SLIT3: variants seen among roughly 807,000 people sequenced by gnomAD.
SLIT3 encodes the protein slit guidance ligand 3.
SLIT3 carries 68 observed loss-of-function variants against 184.0 expected under a neutral mutation model. The observed-to-expected ratio is 0.37, with a 90% CI of 0.30 to 0.45. The LOEUF (loss-of-function observed/expected upper bound fraction) is 0.45, where lower values mean the gene tolerates loss of function less well. Ranked by LOEUF, SLIT3 falls within the 20% of genes least tolerant of loss-of-function variation. The pLI is 1.00. For synonymous variants in SLIT3, 831 were observed against 828.6 expected (o/e 1.00, Z -0.05); for missense variants, 1,707 against 2,026.0 (o/e 0.84, Z 3.02).
intron 7 of SLIT3, among the ~76,000 whole-genome samples, chr5:168,820,222 G>C (rs1757478701): frequency 6.6e-6 from 1 of 152,142 alleles, no homozygotes; most frequent in African/African-American, 2.4e-5. Context: ...ACAAGGGAGG[G>C]TGGCCTCCAT....
chr5:168,753,766 A>T, intron 17 of SLIT3, 98 bp downstream of exon 17: 1 of 1,396,120 alleles, frequency 7.2e-7, no homozygotes, highest in Non-Finnish European at 9.8e-7. Context: ...AGGCCAAGAC[A>T]GTGCCTGGGT....
At position 168,670,008 on chromosome 5, in the gene SLIT3, G is replaced by A. The variant is rs1761188229; in HGVS notation, c.4128-17C>T. ...TGGTGGCATCTAGGGGCAGAGAGGA[G>A]GATGAGAAGGGAACTGGATCAGAGT... On this transcript the variant is annotated splice_polypyrimidine_tract_variant and intron_variant, in intron 34 of 35. Coordinates refer to ENST00000519560, the MANE Select transcript of SLIT3 (RefSeq NM_003062.4). The A allele has an allele frequency of 6.2e-7, 1 of 1,609,130 alleles. No homozygotes were observed. Among genetic ancestry groups the A allele is most frequent in the Non-Finnish European group, 8.5e-7 (1 of 1,176,202 alleles).
At chr5:168,870,117 C>T (rs952284643) in intron 5 of SLIT3, among the ~76,000 whole-genome samples, 2 of 152,218 alleles carry the variant, frequency 1.3e-5, no homozygotes, top group Non-Finnish European at 1.5e-5. Flanking sequence ...AGCAGTATTG[C>T]GGCAGAGATC....
Position 168,798,220 on chromosome 5 carries a change from C to CTTTTTTTTTTTTTTTTTTTTTTTTTTTT in SLIT3, c.936-2643_936-2642insAAAAAAAAAAAAAAAAAAAAAAAAAAAA, listed in dbSNP as rs575178855. ...CTTTTGGTTTTCTTTTCTTCTTCTT[C>CTTTTTTTTTTTTTTTTTTTTTTTTTTTT]TTCTTTTTTTTTTTTTTTTAAGAGA... On this transcript the variant is annotated intron_variant, in intron 9 of 35. Transcript: ENST00000519560. 2.6e-4 allele frequency among the ~76,000 whole-genome samples: 29 copies of CTTTTTTTTTTTTTTTTTTTTTTTTTTTT among 112,250 alleles called. 5 individuals are homozygous for CTTTTTTTTTTTTTTTTTTTTTTTTTTTT. Among genetic ancestry groups the CTTTTTTTTTTTTTTTTTTTTTTTTTTTT allele is most frequent in the African/African-American group, 1.0e-3 (24 of 24,090 alleles). The allele number at this position is 112,250 out of a possible 152,430, so 73.6% of individuals were successfully genotyped here.
At chr5:168,768,675 G>A (rs1461591075) in intron 14 of SLIT3, among the ~76,000 whole-genome samples, 2 of 152,200 alleles carry the variant, frequency 1.3e-5, no homozygotes, top group Non-Finnish European at 2.9e-5. Flanking sequence ...CAACAGCTGA[G>A]TGGTTCCATC....
intron 4 of SLIT3, among the ~76,000 whole-genome samples, chr5:169,140,509 A>AAAT (rs1280746004): frequency 1.5e-5 from 2 of 135,684 alleles, no homozygotes; most frequent in African/African-American, 5.6e-5. Context: ...AAAAAAAAAA[A>AAAT]GACGCAGGCG....
At chr5:168,809,147 A>T (rs1188213205) in intron 8 of SLIT3, among the ~76,000 whole-genome samples, 1 of 152,190 alleles carries the variant, frequency 6.6e-6, no homozygotes, top group East Asian at 1.9e-4. Flanking sequence ...GAATTCTTCC[A>T]AAAGTACCCC....
chr5:168,780,140 C>A (rs1755918491), intron 12 of SLIT3, among the ~76,000 whole-genome samples: 2 of 152,254 alleles, frequency 1.3e-5, no homozygotes, highest in South Asian at 4.1e-4. Context: ...TGCAATCATT[C>A]TGGTGGCGTC....
At position 168,782,626 on chromosome 5, in the gene SLIT3, T is replaced by C. The variant is rs564930684; in HGVS notation, c.1151+3281A>G. ...GGAAGACAGGTCATTTCTCTAATAA[T>C]TGAGCTGCTCCCACCCCTGGAGTTG... On this transcript the variant is annotated intron_variant, in intron 12 of 35. Transcript: ENST00000519560. Among the ~76,000 whole-genome samples, 4 of 152,286 alleles carry C rather than the reference T, an allele frequency of 2.6e-5. No individual in the cohort carries two copies. In the East Asian group the frequency reaches 5.8e-4, roughly 22 times the overall value.
At chr5:169,183,509 G>C (rs369950082) in intron 4 of SLIT3, among the ~76,000 whole-genome samples, 5 of 152,220 alleles carry the variant, frequency 3.3e-5, no homozygotes, top group African/African-American at 1.2e-4. Context: ...TATCTCTAAT[G>C]GTCCAGTGCT....
At chr5:169,203,350 T>C (rs1183255630) in intron 3 of SLIT3, among the ~76,000 whole-genome samples, 2 of 103,780 alleles carry the variant, frequency 1.9e-5, no homozygotes, top group Non-Finnish European at 4.0e-5. Context: ...CATGTGAATG[T>C]GCACACACAC....
At chr5:168,895,883 G>A (rs1359498654) in intron 4 of SLIT3, among the ~76,000 whole-genome samples, 1 of 152,114 alleles carries the variant, frequency 6.6e-6, no homozygotes, top group Non-Finnish European at 1.5e-5. Context: ...AGCCTGAAAG[G>A]CACTAGACAA....
chr5:168,797,435 G>A (rs1397890505), intron 9 of SLIT3, among the ~76,000 whole-genome samples: 3 of 152,190 alleles, frequency 2.0e-5, no homozygotes, highest in Non-Finnish European at 4.4e-5. Context: ...CTCAGTTTTT[G>A]CAAGAGGATC....
chr5:168,926,525 G>A (rs1761828813), intron 4 of SLIT3, among the ~76,000 whole-genome samples: 1 of 152,170 alleles, frequency 6.6e-6, no homozygotes, highest in African/African-American at 2.4e-5. Flanking sequence ...GCCCTACTTT[G>A]TGTTTCTACC....
chr5:169,255,781 G>A (rs1765939379), intron 1 of SLIT3, among the ~76,000 whole-genome samples: 1 of 152,128 alleles, frequency 6.6e-6, no homozygotes, highest in African/African-American at 2.4e-5. Flanking sequence ...TACTCAGGAG[G>A]CTGAGGCAGG....
intron 23 of SLIT3, among the ~76,000 whole-genome samples, chr5:168,718,520 C>G (rs1308498259): frequency 6.6e-6 from 1 of 152,060 alleles, no homozygotes; most frequent in East Asian, 1.9e-4. Context: ...GCATGGATCC[C>G]CTAAGATGGA....
At chr5:168,877,863 TA>T (rs5873130) in intron 5 of SLIT3, among the ~76,000 whole-genome samples, 4 of 151,160 alleles carry the variant, frequency 2.6e-5, no homozygotes, top group African/African-American at 9.7e-5. Flanking sequence ...AGGGGACATT[TA>T]AAAAAAAACA....
intron 3 of SLIT3, among the ~76,000 whole-genome samples, chr5:169,227,345 T>C (rs1026134448): frequency 6.6e-6 from 1 of 152,250 alleles, no homozygotes; most frequent in African/African-American, 2.4e-5. Context: ...GGCACTTTGC[T>C]AGACACCTTA....
chr5:168,680,687 C>G (rs1335445358), intron 32 of SLIT3, among the ~76,000 whole-genome samples: 1 of 152,192 alleles, frequency 6.6e-6, no homozygotes, highest in African/African-American at 2.4e-5. Context: ...CTGGTCAGCT[C>G]AGGCTGTGCC....
Sources: allele counts gnomAD v4.1 joint callset (sites outside exome capture counted in the v4.1 genomes callset), GRCh38; gene constraint gnomAD v4.1.1; transcripts MANE v1.5; gene names NCBI Gene and HGNC (gene_info 2026-07-23, HGNC 2026-07-21).